Variants in TMEM181 observed in about 807,000 individuals in gnomAD.
TMEM181 encodes G protein-coupled receptor 178.
In TMEM181, 39 loss-of-function variants were observed where a neutral mutation model predicts 71.9. The ratio of observed to expected loss-of-function variants is 0.54; its 90% CI spans 0.42 to 0.71. The LOEUF (loss-of-function observed/expected upper bound fraction) is 0.71. Among genes scored for constraint, TMEM181 ranks in the 30% least tolerant of loss-of-function variants. The pLI is 0.00. For missense variants in TMEM181, 595 were observed against 583.0 expected (o/e 1.02, Z -0.21); for synonymous variants, 245 against 228.8 (o/e 1.07, Z -0.64).
chr6:158,559,543 G>C (rs897004094), upstream of TMEM181, among the ~76,000 whole-genome samples: 9 of 152,220 alleles, frequency 5.9e-5, no homozygotes, highest in African/African-American at 2.2e-4. Flanking sequence ...ACTGAGCCAA[G>C]ATGCGAAATC....
intron 6 of TMEM181, among the ~76,000 whole-genome samples, chr6:158,603,663 G>A (rs777269121): frequency 2.5e-4 from 36 of 146,798 alleles, no homozygotes; most frequent in Admixed American, 1.5e-3. Context: ...AATCTCTGTC[G>A]TGTCTAATCT....
At chr6:158,581,363 T>C (rs9457407) in intron 3 of TMEM181, among the ~76,000 whole-genome samples, 59,868 of 152,076 alleles carry the variant, frequency 0.39, 12,200 homozygotes, top group Middle Eastern at 0.52. Context: ...AGGTTAAGAA[T>C]TGGCCTCTGT....
intron 15 of TMEM181, among the ~76,000 whole-genome samples, chr6:158,630,883 C>T (rs752979527): frequency 1.8e-4 from 28 of 152,120 alleles, no homozygotes; most frequent in African/African-American, 6.8e-4. Flanking sequence ...TCACAAACGG[C>T]GTCTCACTTA....
At chr6:158,550,753 A>G (rs1204093622) in intron 1 of TMEM181, among the ~76,000 whole-genome samples, 1 of 152,106 alleles carries the variant, frequency 6.6e-6, no homozygotes, top group East Asian at 1.9e-4. Context: ...TGGATTGGAG[A>G]AATCTAGAAG....
At chr6:158,603,588 GTTTTT>G (rs35319740) in intron 6 of TMEM181, among the ~76,000 whole-genome samples, 33 of 136,050 alleles carry the variant, frequency 2.4e-4, no homozygotes, top group African/African-American at 7.9e-4. Context: ...TTTTTTTCAG[GTTTTT>G]TTTTTTTTTT....
chr6:158,559,929 C>G (rs992830014), upstream of TMEM181, among the ~76,000 whole-genome samples: 1 of 152,036 alleles, frequency 6.6e-6, no homozygotes, highest in Non-Finnish European at 1.5e-5. Flanking sequence ...CAGCTCAGGG[C>G]TAGCCTGGGT....
intron 13 of TMEM181, among the ~76,000 whole-genome samples, chr6:158,627,045 CCT>C (rs1338190671): frequency 6.8e-6 from 1 of 146,872 alleles, no homozygotes; most frequent in Non-Finnish European, 1.5e-5. Flanking sequence ...TTACACACAC[CCT>C]CATTCTCACA....
intron 10 of TMEM181, among the ~76,000 whole-genome samples, chr6:158,621,918 C>T (rs1435168093): frequency 2.6e-5 from 4 of 152,240 alleles, no homozygotes; most frequent in Non-Finnish European, 5.9e-5. Context: ...TTAAGGTCCA[C>T]ACATGGCTGC....
chr6:158,608,605 A>G, intron 9 of TMEM181, 54 bp from the exon 10 acceptor site: 4 of 1,596,850 alleles, frequency 2.5e-6, no homozygotes, highest in Non-Finnish European at 3.4e-6. Flanking sequence ...CACGTTATGT[A>G]CAATTACCAA....
chr6:158,624,029 T>C (rs1786124502), intron 11 of TMEM181, among the ~76,000 whole-genome samples: 1 of 152,230 alleles, frequency 6.6e-6, no homozygotes, highest in Non-Finnish European at 1.5e-5. Context: ...CCCAAAGTGC[T>C]GGGATTACAG....
chr6:158,565,516 ACAG>A (rs952538738), intron 1 of TMEM181, among the ~76,000 whole-genome samples: 1 of 152,254 alleles, frequency 6.6e-6, no homozygotes, highest in African/African-American at 2.4e-5. Context: ...AGAGCCACAG[ACAG>A]CAGGAAGAGA....
Position 158,630,577 on chromosome 6 carries a change from G to A in TMEM181, c.1283-746G>A, listed in dbSNP as rs1786603016. The stretch of plus-strand genomic sequence containing the variant: ...ATGTAGTAACACTTAAGGCAGAATA[G>A]GCTAAGCTGCAATGTTCGGTGCCTT... On this transcript the variant is annotated intron_variant, in intron 15 of 16. Coordinates refer to ENST00000684151, the MANE Select transcript of TMEM181 (RefSeq NM_001376852.1). Among the ~76,000 whole-genome samples the A allele has an allele frequency of 2.0e-5, 3 of 152,130 alleles. No homozygotes were observed. In the South Asian group the frequency reaches 6.2e-4, roughly 32 times the overall value.
At chr6:158,609,234 C>T (rs1212437232) in intron 10 of TMEM181, among the ~76,000 whole-genome samples, 1 of 152,126 alleles carries the variant, frequency 6.6e-6, no homozygotes, top group Non-Finnish European at 1.5e-5. Context: ...TGTTCCCAGA[C>T]CCCCATTAAC....
At chr6:158,573,734 AC>A (rs1783007475) in intron 2 of TMEM181, among the ~76,000 whole-genome samples, 1 of 152,044 alleles carries the variant, frequency 6.6e-6, no homozygotes, top group African/African-American at 2.4e-5. Context: ...GCCCCGAGTG[AC>A]CCTGGCCATG....
upstream of TMEM181, among the ~76,000 whole-genome samples, chr6:158,555,574 G>A (rs1248008149): frequency 6.6e-6 from 1 of 152,160 alleles, no homozygotes; most frequent in Non-Finnish European, 1.5e-5. Flanking sequence ...TTTCAGAGGT[G>A]TTTTTAGAGA....
intron 4 of TMEM181, among the ~76,000 whole-genome samples, chr6:158,584,311 T>G (rs1783644842): frequency 6.6e-6 from 1 of 152,190 alleles, no homozygotes; most frequent in African/African-American, 2.4e-5. Flanking sequence ...GCCAGCCTTT[T>G]TCAGTGAGGA....
rs1172757262 is a variant in TMEM181, at chr6:158,635,327, A to G, written c.*3439A>G. The G allele has an allele frequency of 6.6e-6, 1 of 152,258 alleles. No individual in the cohort carries two copies. The highest frequency in any genetic ancestry group is 1.5e-5 in the Non-Finnish European group (1 of 68,044). The allele number at this position is 152,258 out of a possible 1,614,324, so 9.4% of individuals were successfully genotyped here. A position where few individuals can be genotyped will look rare whatever the true frequency, so the allele number is the denominator to read the frequency against. On this transcript the variant is annotated 3_prime_UTR_variant, in exon 17 of 17. Coordinates refer to ENST00000684151, the MANE Select transcript of TMEM181 (RefSeq NM_001376852.1). ...GCCACCCCATCACAGTGTTGCTGTC[A>G]TCAGGCAAAAGTGAATGTTTGTTTA...
chr6:158,587,000 C>G (rs866977222), intron 5 of TMEM181, among the ~76,000 whole-genome samples: 5 of 152,166 alleles, frequency 3.3e-5, no homozygotes, highest in Non-Finnish European at 7.3e-5. Context: ...AGAATCTGCT[C>G]TCTTCCTATC....
chr6:158,561,281 T>C (rs185134350), intron 1 of TMEM181, among the ~76,000 whole-genome samples: 1 of 152,352 alleles, frequency 6.6e-6, no homozygotes, highest in Admixed American at 6.5e-5. Flanking sequence ...TTTCTGACTT[T>C]GGTATGTTGC....
Sources: gnomAD v4.1 joint callset for allele counts (sites outside exome capture counted in the v4.1 genomes callset) on GRCh38, gnomAD v4.1.1 for gene constraint, MANE v1.5 for transcripts, NCBI Gene and HGNC (gene_info 2026-07-23, HGNC 2026-07-21) for gene names.